UNC5C: variants seen among roughly 807,000 people sequenced by gnomAD.
UNC5C encodes the protein netrin receptor UNC5C.
UNC5C carries 47 observed loss-of-function variants against 99.8 expected under a neutral mutation model. That is an observed-to-expected ratio of 0.47 (90% CI 0.37 to 0.60). UNC5C has a LOEUF of 0.60. Ranked by LOEUF, UNC5C falls within the 20% of genes least tolerant of loss-of-function variation. The pLI is 0.00. For missense variants in UNC5C, 1,062 were observed against 1,165.9 expected (o/e 0.91, Z 1.30); for synonymous variants, 487 against 452.2 (o/e 1.08, Z -0.98).
At chr4:95,283,185 T>G (rs925093135) in intron 3 of UNC5C, among the ~76,000 whole-genome samples, 1 of 152,212 alleles carries the variant, frequency 6.6e-6, no homozygotes, top group Admixed American at 6.5e-5. Context: ...GTTTTCTAAT[T>G]CTTGCCATAT....
intron 1 of UNC5C, among the ~76,000 whole-genome samples, chr4:95,445,241 C>G (rs535490911): frequency 6.6e-6 from 1 of 152,214 alleles, no homozygotes; most frequent in African/African-American, 2.4e-5. Context: ...CTACTTGCAA[C>G]TATACATCAT....
intron 12 of UNC5C, among the ~76,000 whole-genome samples, chr4:95,187,051 A>T (rs180814993): frequency 9.8e-5 from 15 of 152,286 alleles, no homozygotes; most frequent in Admixed American, 6.5e-4. Context: ...AAGAAAAGTG[A>T]GGGTTAATTG....
chr4:95,214,772 G>A (rs1422275598), intron 10 of UNC5C, among the ~76,000 whole-genome samples: 1 of 152,144 alleles, frequency 6.6e-6, no homozygotes, highest in Non-Finnish European at 1.5e-5. Context: ...TGTACTTAAT[G>A]CTAACCTTGA....
chr4:95,195,519 C>T lies in UNC5C; in HGVS notation c.2136+7212G>A, dbSNP rs529540967. Among the ~76,000 whole-genome samples, 189 of 152,166 alleles carry T rather than the reference C, an allele frequency of 1.2e-3. 1 individual carries two copies. The Middle Eastern group carries it at 0.014, about 11-fold the overall frequency. On this transcript the variant is annotated intron_variant, in intron 12 of 15. Coordinates refer to ENST00000453304, the MANE Select transcript of UNC5C (RefSeq NM_003728.4). ...AGTAGGTATGGATACTAGGATAATT[C>T]CAGGGAAGATCAGCCTTAGAAGACC...
chr4:95,361,089 T>C (rs76259560), intron 1 of UNC5C, among the ~76,000 whole-genome samples: 5,096 of 152,230 alleles, frequency 0.033, 120 homozygotes, highest in South Asian at 0.053. Context: ...GAGCAATGGA[T>C]TGATTTCAGG....
intron 12 of UNC5C, among the ~76,000 whole-genome samples, chr4:95,193,080 T>A (rs985823545): frequency 6.6e-6 from 1 of 152,220 alleles, no homozygotes; most frequent in Non-Finnish European, 1.5e-5. Flanking sequence ...CCAGGATGTG[T>A]TTCACTCTGC....
At chr4:95,173,249 T>C (rs1457020897) in intron 14 of UNC5C, among the ~76,000 whole-genome samples, 1 of 138,050 alleles carries the variant, frequency 7.2e-6, no homozygotes, top group Non-Finnish European at 1.6e-5. Flanking sequence ...TCCTGCCTAA[T>C]TGCCCTGGCC....
chr4:95,505,153 A>G (rs1307177641), intron 1 of UNC5C, among the ~76,000 whole-genome samples: 4 of 152,092 alleles, frequency 2.6e-5, no homozygotes, highest in African/African-American at 7.2e-5. Flanking sequence ...GATTCTAATT[A>G]TTCATTGGCA....
chr4:95,448,665 G>T (rs1747191681), intron 1 of UNC5C, among the ~76,000 whole-genome samples: 1 of 152,094 alleles, frequency 6.6e-6, no homozygotes, highest in Non-Finnish European at 1.5e-5. Flanking sequence ...TTCCACGTAT[G>T]TTCCTTTAAT....
intron 1 of UNC5C, among the ~76,000 whole-genome samples, chr4:95,469,400 C>G (rs1747895821): frequency 6.6e-6 from 1 of 152,066 alleles, no homozygotes; most frequent in South Asian, 2.1e-4. Flanking sequence ...GGTTGTCATA[C>G]AATGTCTTCA....
At chr4:95,305,936 G>A (rs1252022303) in intron 2 of UNC5C, among the ~76,000 whole-genome samples, 1 of 152,092 alleles carries the variant, frequency 6.6e-6, no homozygotes, top group Non-Finnish European at 1.5e-5. Flanking sequence ...TTTAGCATAT[G>A]CTTAATTTCA....
chr4:95,493,532 T>C (rs928831248), intron 1 of UNC5C, among the ~76,000 whole-genome samples: 4 of 151,464 alleles, frequency 2.6e-5, no homozygotes, highest in African/African-American at 9.7e-5. Flanking sequence ...GATGGTGAGC[T>C]TTATTAAACT....
chr4:95,244,189 T>C (rs375012553), intron 6 of UNC5C, among the ~76,000 whole-genome samples: 6 of 152,336 alleles, frequency 3.9e-5, no homozygotes, highest in African/African-American at 1.4e-4. Flanking sequence ...CAATAGCTAC[T>C]CCAATGAGTG....
At chr4:95,363,387 C>T (rs1560805053) in intron 1 of UNC5C, among the ~76,000 whole-genome samples, 1 of 152,096 alleles carries the variant, frequency 6.6e-6, no homozygotes, top group Non-Finnish European at 1.5e-5. Context: ...CATTGAACAT[C>T]AGATTAAGTT....
chr4:95,544,634 C>T (rs1422683625), intron 1 of UNC5C, among the ~76,000 whole-genome samples: 2 of 152,194 alleles, frequency 1.3e-5, no homozygotes. Context: ...GCCTAGGATG[C>T]AATATGAGTG....
intron 8 of UNC5C, 125 bp downstream of exon 8, chr4:95,219,860 A>C: frequency 1.9e-6 from 2 of 1,034,378 alleles, no homozygotes; most frequent in Non-Finnish European, 2.8e-6. Context: ...TAATGAACAA[A>C]ATTAACTCAA....
intron 2 of UNC5C, among the ~76,000 whole-genome samples, chr4:95,316,588 CTTTT>C (rs1742484838): frequency 6.6e-6 from 1 of 152,122 alleles, no homozygotes; most frequent in Admixed American, 6.6e-5. Context: ...ACAAACAAGA[CTTTT>C]AGGTAATAAT....
At chr4:95,190,509 C>G (rs554603690) in intron 12 of UNC5C, among the ~76,000 whole-genome samples, 10 of 151,380 alleles carry the variant, frequency 6.6e-5, no homozygotes, top group African/African-American at 2.2e-4. Context: ...TTTTTTTTGT[C>G]GGGACAAAGT....
At chr4:95,308,440 A>G (rs1742137851) in intron 2 of UNC5C, among the ~76,000 whole-genome samples, 1 of 152,122 alleles carries the variant, frequency 6.6e-6, no homozygotes, top group Non-Finnish European at 1.5e-5. Context: ...ACATGAAAGA[A>G]ATAAATTGAA....
Sources: allele counts gnomAD v4.1 joint callset (sites outside exome capture counted in the v4.1 genomes callset), GRCh38; gene constraint gnomAD v4.1.1; transcripts MANE v1.5; gene names NCBI Gene and HGNC (gene_info 2026-07-23, HGNC 2026-07-21).